Variants in ZDHHC11B observed in about 807,000 individuals in gnomAD.
The protein encoded by ZDHHC11B is zDHHC palmitoyltransferase 11B (putative).
In ZDHHC11B, 17 loss-of-function variants were observed where a neutral mutation model predicts 42.3. The observed-to-expected ratio is 0.40, with a 90% CI of 0.27 to 0.60. The LOEUF is 0.60. Among genes scored for constraint, ZDHHC11B ranks in the 20% least tolerant of loss-of-function variants. The pLI is 0.41. For synonymous variants in ZDHHC11B, 123 were observed against 193.5 expected (o/e 0.64, Z 3.02); for missense variants, 262 against 463.2 (o/e 0.57, Z 3.99).
intron 4 of ZDHHC11B, among the ~76,000 whole-genome samples, chr5:758,532 T>C (rs1734160346): frequency 6.6e-6 from 1 of 151,740 alleles, no homozygotes; most frequent in African/African-American, 2.4e-5. Flanking sequence ...AGCTCAGGGC[T>C]GTCCTGAGCC....
chr5:766,661 C>T (rs767512198), intron 4 of ZDHHC11B, 37 bp downstream of exon 4: 1 of 1,567,262 alleles, frequency 6.4e-7, no homozygotes, highest in Non-Finnish European at 8.7e-7. Flanking sequence ...CTCCAGGAAC[C>T]CCTCCCGCTT....
At chr5:769,113 A>G (rs1344016468) in intron 1 of ZDHHC11B, among the ~76,000 whole-genome samples, 183 bp from the exon 2 acceptor site, 1 of 123,138 alleles carries the variant, frequency 8.1e-6, no homozygotes, top group African/African-American at 2.7e-5. Context: ...AACTAACTGC[A>G]TTTCAATTTC....
rs538161594 is a variant in ZDHHC11B, at chr5:745,536, T to C, written c.785-238A>G. On this transcript the variant is annotated intron_variant, in intron 8 of 13. Coordinates refer to ENST00000508859, the MANE Select transcript of ZDHHC11B (RefSeq NM_001351303.2). ...TCTGCAGCTGCGACCTGGGGAACGG[T>C]GCTGACTCAGGCCCCCCCGCCTGCC... is the stretch of plus-strand genomic sequence containing the variant. 2.1e-4 allele frequency among the ~76,000 whole-genome samples: 32 copies of C among 149,882 alleles called. 1 individual carries two copies. Among genetic ancestry groups the C allele is most frequent in the African/African-American group, 7.8e-4 (32 of 40,884 alleles).
At chr5:736,771 T>A (rs1743569763) in intron 10 of ZDHHC11B, among the ~76,000 whole-genome samples, 1 of 129,094 alleles carries the variant, frequency 7.7e-6, no homozygotes, top group Non-Finnish European at 1.6e-5. Context: ...TCAAACTGAA[T>A]AACTGTGGCA....
chr5:721,712 G>C (rs1742200165), intron 12 of ZDHHC11B, among the ~76,000 whole-genome samples: 1 of 151,760 alleles, frequency 6.6e-6, no homozygotes, highest in Admixed American at 6.6e-5. Flanking sequence ...AGGTGTGGCA[G>C]GTGGGAGAAT....
chr5:733,186 A>G (rs1288043531), intron 11 of ZDHHC11B, among the ~76,000 whole-genome samples: 1 of 149,458 alleles, frequency 6.7e-6, no homozygotes, highest in Non-Finnish European at 1.5e-5. Context: ...AGTCCATGTA[A>G]CAAACACACA....
intron 1 of ZDHHC11B, among the ~76,000 whole-genome samples, chr5:776,680 G>A (rs1407325345): frequency 6.6e-6 from 1 of 151,940 alleles, no homozygotes; most frequent in Non-Finnish European, 1.5e-5. Flanking sequence ...GGAGTGGACA[G>A]AGCCCCTGTG....
chr5:736,679 C>T (rs1743559778), intron 10 of ZDHHC11B, among the ~76,000 whole-genome samples: 2 of 136,378 alleles, frequency 1.5e-5, no homozygotes, highest in African/African-American at 5.4e-5. Context: ...CATGAAATTA[C>T]ACAAATATGT....
At chr5:733,678 C>T in intron 11 of ZDHHC11B, 74 bp downstream of exon 11, 5 of 1,363,794 alleles carry the variant, frequency 3.7e-6, no homozygotes, top group Non-Finnish European at 5.2e-6. Context: ...TTAACCTCAG[C>T]TTGGGGGACC....
rs565894057 is a variant in ZDHHC11B, at chr5:748,471, G to A, written c.717C>T (p.Leu239=). 1.2e-4 allele frequency: 159 copies of A among 1,363,310 alleles called. 13 individuals carry two copies. The highest frequency in any genetic ancestry group is 3.8e-4 in the Middle Eastern group (2 of 5,238). 84.5% of individuals were successfully genotyped at this position (1,363,310 alleles called of 1,614,324 possible). A position where few individuals can be genotyped will look rare whatever the true frequency, so the allele number is the denominator to read the frequency against. The change falls in exon 8 of 14, where the codon CTC becomes CTT. Residue 239 remains leucine, a synonymous_variant. Coordinates refer to ENST00000508859, the MANE Select transcript of ZDHHC11B (RefSeq NM_001351303.2). ...AGCCAAGAAGGTCCAGCAGGAGCAC[G>A]AGCATCCTGATGATCACGACTATCA... is the stretch of plus-strand genomic sequence containing the variant. ...QTLIVVIIRM[L]VLLLDLLGLV...
chr5:771,268 T>C lies in ZDHHC11B; in HGVS notation c.-229-2338A>G, dbSNP rs1473237339. On this transcript the variant is annotated intron_variant, in intron 1 of 13. Transcript: ENST00000508859. ...TCCTGAGTGTGGCCCCTGCTGAACT[T>C]GAGATCCCACAAATTCCCCCAAAAC... Among the ~76,000 whole-genome samples the C allele has an allele frequency of 2.0e-5, 3 of 151,688 alleles. No homozygotes were observed. The East Asian group carries it at 5.8e-4, about 29-fold the overall frequency.
Position 730,445 on chromosome 5 carries a change from T to G in ZDHHC11B, c.1047A>C (p.Thr349=), listed in dbSNP as rs535762766. 1.6e-5 allele frequency: 26 copies of G among 1,577,468 alleles called. No homozygotes were observed. In the South Asian group the frequency reaches 2.9e-4, roughly 18 times the overall value. ...ACTTACGAACTTACCCAAGTGTAGA[T>G]GTACTCGGGGCATCATCTGCTTCCT... The part of the protein sequence containing the change: ...KAQEADDAPS[T]STLGLQQETT... The change falls in exon 12 of 14, where the codon ACA becomes ACC. Residue 349 remains threonine, a synonymous_variant. Coordinates refer to ENST00000508859, the MANE Select transcript of ZDHHC11B (RefSeq NM_001351303.2).
At chr5:763,679 TAG>T (rs59292444) in intron 4 of ZDHHC11B, among the ~76,000 whole-genome samples, 8,435 of 147,442 alleles carry the variant, frequency 0.057, 28 homozygotes, top group Middle Eastern at 0.13. Flanking sequence ...CACGCATCTG[TAG>T]AGACTTGTTT....
intron 1 of ZDHHC11B, among the ~76,000 whole-genome samples, chr5:775,160 A>G (rs1253842392): frequency 6.6e-6 from 1 of 151,926 alleles, no homozygotes; most frequent in East Asian, 1.9e-4. Context: ...CCTGGTCACA[A>G]GTGTCCTGCA....
chr5:744,544 A>T lies in ZDHHC11B; in HGVS notation c.900+639T>A, dbSNP rs1398936137. ...TGAGTTAGTTATAATAATTCATGTC[A>T]CTTAACCGGAAAGGGAACTAACTTC... On this transcript the variant is annotated intron_variant, in intron 9 of 13. Transcript: ENST00000508859. Among the ~76,000 whole-genome samples the T allele has an allele frequency of 5.6e-4, 84 of 148,710 alleles. 7 individuals are homozygous for T. Among genetic ancestry groups the T allele is most frequent in the African/African-American group, 2.1e-3 (83 of 40,454 alleles).
At chr5:760,839 G>A (rs1359733884) in intron 4 of ZDHHC11B, among the ~76,000 whole-genome samples, 12 of 140,532 alleles carry the variant, frequency 8.5e-5, no homozygotes, top group Non-Finnish European at 1.2e-4. Flanking sequence ...CCAAGGAACC[G>A]CTGCGTCCCC....
At chr5:723,114 G>A (rs1351024615) in intron 12 of ZDHHC11B, among the ~76,000 whole-genome samples, 3 of 150,992 alleles carry the variant, frequency 2.0e-5, no homozygotes, top group Admixed American at 6.6e-5. Flanking sequence ...TTCAGACTCC[G>A]CTTTTGTTGT....
chr5:774,282 G>A (rs1442672162), intron 1 of ZDHHC11B, among the ~76,000 whole-genome samples: 1 of 152,130 alleles, frequency 6.6e-6, no homozygotes, highest in Non-Finnish European at 1.5e-5. Flanking sequence ...AGAATTGACA[G>A]GGCTGGGGAA....
intron 1 of ZDHHC11B, among the ~76,000 whole-genome samples, chr5:772,867 C>T (rs1478777574): frequency 3.9e-4 from 59 of 151,972 alleles, no homozygotes; most frequent in African/African-American, 1.3e-3. Context: ...CTGAGCTTCA[C>T]TGTTCTAGGT....
Sources: gnomAD v4.1 joint callset for allele counts (sites outside exome capture counted in the v4.1 genomes callset) on GRCh38, gnomAD v4.1.1 for gene constraint, MANE v1.5 for transcripts, NCBI Gene and HGNC (gene_info 2026-07-23, HGNC 2026-07-21) for gene names.